The following TLCD4 variants were observed in gnomAD, a reference collection of about 807,000 sequenced individuals.
TLCD4 encodes the protein TLC domain containing 4.
A neutral mutation model predicts 24.2 loss-of-function variants in TLCD4; 7 were observed. The ratio of observed to expected loss-of-function variants is 0.29; its 90% CI spans 0.16 to 0.54. The LOEUF (loss-of-function observed/expected upper bound fraction) is 0.54. Ranked by LOEUF, TLCD4 falls within the 20% of genes least tolerant of loss-of-function variation. The probability of loss-of-function intolerance (pLI) is 0.95; values close to 1 mark genes in which losing one functional copy is unlikely to be tolerated. For synonymous variants in TLCD4, 103 were observed against 106.4 expected (o/e 0.97, Z 0.20); for missense variants, 259 against 313.9 (o/e 0.82, Z 1.32).
chr1:95,171,557 G>C (rs1268191132), intron 5 of TLCD4, among the ~76,000 whole-genome samples: 2 of 152,152 alleles, frequency 1.3e-5, no homozygotes, highest in Non-Finnish European at 2.9e-5. Context: ...TATTTTCTGA[G>C]AGTTCAGATA....
upstream of TLCD4, among the ~76,000 whole-genome samples, chr1:95,116,871 C>A (rs1400548608): frequency 1.3e-5 from 2 of 152,178 alleles, no homozygotes; most frequent in Non-Finnish European, 2.9e-5. Context: ...GCGCCCCCTA[C>A]CAGTTTGGTA....
chr1:95,147,210 A>G (rs1362242055), intron 2 of TLCD4, among the ~76,000 whole-genome samples: 1 of 151,706 alleles, frequency 6.6e-6, no homozygotes, highest in Non-Finnish European at 1.5e-5. Flanking sequence ...AGTAGCTGGG[A>G]TTACAGGTGT....
chr1:95,148,606 C>A, intron 2 of TLCD4, 96 bp from the exon 3 acceptor site: 1 of 1,510,540 alleles, frequency 6.6e-7, no homozygotes, highest in Middle Eastern at 1.8e-4. Flanking sequence ...ATAAATGCTT[C>A]CAGGTATAAC....
At chr1:95,116,524 C>G (rs1676432733), upstream of TLCD4, among the ~76,000 whole-genome samples, 1 of 152,126 alleles carries the variant, frequency 6.6e-6, no homozygotes, top group South Asian at 2.1e-4. Flanking sequence ...TAGAACTTAC[C>G]TCTTTTCAAG....
At chr1:95,134,702 G>A (rs769219357) in intron 1 of TLCD4, among the ~76,000 whole-genome samples, 1 of 152,172 alleles carries the variant, frequency 6.6e-6, no homozygotes, top group Non-Finnish European at 1.5e-5. Flanking sequence ...AGTGTTGCCT[G>A]ATGAAAACAG....
the TLCD4 span, among the ~76,000 whole-genome samples, chr1:95,098,433 C>T: frequency 6.6e-6 from 1 of 152,128 alleles, no homozygotes; most frequent in Admixed American, 6.6e-5. Flanking sequence ...TTAGCTTCTC[C>T]TGCTGTTTCC....
At chr1:95,159,194 G>T (rs991731638) in intron 5 of TLCD4, among the ~76,000 whole-genome samples, 3 of 152,062 alleles carry the variant, frequency 2.0e-5, no homozygotes, top group African/African-American at 7.2e-5. Flanking sequence ...TTTAATGATC[G>T]CCATTCTAAC....
At chr1:95,191,457 T>A (rs1235095150) in intron 6 of TLCD4, 93 bp from the exon 7 acceptor site, 59 of 1,459,444 alleles carry the variant, frequency 4.0e-5, no homozygotes, top group Non-Finnish European at 5.2e-5. Flanking sequence ...TTGCTCCTCC[T>A]TCACTGAATT....
intron 1 of TLCD4, among the ~76,000 whole-genome samples, chr1:95,122,463 G>T (rs56241782): frequency 6.6e-6 from 1 of 152,066 alleles, no homozygotes; most frequent in Non-Finnish European, 1.5e-5. Context: ...CGACCTAGTT[G>T]CAGCCTCCCC....
At chr1:95,126,163 A>G (rs1006405274) in intron 1 of TLCD4, among the ~76,000 whole-genome samples, 4 of 151,904 alleles carry the variant, frequency 2.6e-5, no homozygotes, top group Admixed American at 2.6e-4. Flanking sequence ...GCAGTGGCTC[A>G]TGCCTCTAAT....
intron 5 of TLCD4, chr1:95,164,703 C>T (rs927356924): frequency 6.6e-6 from 1 of 152,188 alleles, no homozygotes; most frequent in Non-Finnish European, 1.5e-5. Flanking sequence ...CTAACTCCTA[C>T]TTTGCTTCTC....
the TLCD4 span, among the ~76,000 whole-genome samples, chr1:95,109,584 T>C: frequency 2.0e-5 from 3 of 150,812 alleles, no homozygotes; most frequent in Admixed American, 6.7e-5. Context: ...GCCTCCTGGG[T>C]TCAAGGGATT....
Position 95,195,308 on chromosome 1 carries a change from GTGT to G in TLCD4, c.*3445_*3447del, listed in dbSNP as rs1679160284. ...TTCTTCTGGAGAAACAGAGGGGAAG[GTGT>G]TGTTACAGTGTACATGTTTCCTCTG... is the stretch of plus-strand genomic sequence containing the variant. On this transcript the variant is annotated 3_prime_UTR_variant, in exon 7 of 7. Coordinates refer to ENST00000370203, the MANE Select transcript of TLCD4 (RefSeq NM_152487.3). 1 of 152,172 alleles carries G rather than the reference GTGT, an allele frequency of 6.6e-6. No homozygotes were observed. Among genetic ancestry groups the G allele is most frequent in the African/African-American group, 2.4e-5 (1 of 41,458 alleles). The allele number at this position is 152,172 out of a possible 1,614,324, so 9.4% of individuals were successfully genotyped here.
Position 95,148,699 on chromosome 1 carries a change from C to T in TLCD4, c.156-3C>T. 5 of 1,612,054 alleles carry T rather than the reference C, an allele frequency of 3.1e-6. No individual in the cohort carries two copies. The highest frequency in any genetic ancestry group is 4.2e-6 in the Non-Finnish European group (5 of 1,179,336). On this transcript the variant is annotated splice_region_variant and splice_polypyrimidine_tract_variant and intron_variant, in intron 2 of 6. Coordinates refer to ENST00000370203, the MANE Select transcript of TLCD4 (RefSeq NM_152487.3). ...TCTTTGTGTGTATTTTGTTTAATTT[C>T]AGGGTAGTATCCACATGCCATTCTT...
intron 5 of TLCD4, among the ~76,000 whole-genome samples, chr1:95,170,064 G>A (rs962429691): frequency 3.9e-5 from 6 of 152,104 alleles, no homozygotes; most frequent in Non-Finnish European, 7.4e-5. Flanking sequence ...ACATTAACTC[G>A]TAACATTTTG....
At chr1:95,177,357 A>C (rs1300676934) in intron 6 of TLCD4, among the ~76,000 whole-genome samples, 2 of 152,156 alleles carry the variant, frequency 1.3e-5, no homozygotes, top group East Asian at 3.9e-4. Context: ...TATTTAGTAC[A>C]GGGGTAACAC....
chr1:95,132,089 G>C (rs1464121621), intron 1 of TLCD4, among the ~76,000 whole-genome samples: 1 of 152,186 alleles, frequency 6.6e-6, no homozygotes, highest in Admixed American at 6.5e-5. Context: ...TTTGCTAGAA[G>C]CCAGGGCCAT....
chr1:95,159,434 A>G (rs1173738515), intron 5 of TLCD4, among the ~76,000 whole-genome samples: 1 of 152,176 alleles, frequency 6.6e-6, no homozygotes, highest in African/African-American at 2.4e-5. Flanking sequence ...GTAGATTGCA[A>G]AAATTTTCTC....
chr1:95,134,861 G>A (rs769826282), intron 1 of TLCD4, among the ~76,000 whole-genome samples: 1 of 152,190 alleles, frequency 6.6e-6, no homozygotes, highest in Non-Finnish European at 1.5e-5. Context: ...CATATGCTGA[G>A]TACTGTTCTA....
Sources: gnomAD v4.1 joint callset for allele counts (sites outside exome capture counted in the v4.1 genomes callset) on GRCh38, gnomAD v4.1.1 for gene constraint, MANE v1.5 for transcripts, NCBI Gene and HGNC (gene_info 2026-07-23, HGNC 2026-07-21) for gene names.